ADCY5: variants seen among roughly 807,000 people sequenced by gnomAD.
ADCY5 encodes the protein adenylate cyclase type 5.
Under a neutral mutation model 119.7 loss-of-function variants are expected in ADCY5, and 30 were observed. The ratio of observed to expected loss-of-function variants is 0.25; its 90% CI spans 0.19 to 0.34. The LOEUF is 0.34. ADCY5 is among the 10% of genes least tolerant of loss of function. The probability of loss-of-function intolerance (pLI) is 1.00; values close to 1 mark genes in which losing one functional copy is unlikely to be tolerated. For synonymous variants in ADCY5, 753 were observed against 762.2 expected (o/e 0.99, Z 0.20); for missense variants, 1,324 against 1,775.2 (o/e 0.75, Z 4.57).
At chr3:123,375,630 C>T (rs1306169763) in intron 1 of ADCY5, among the ~76,000 whole-genome samples, 1 of 152,250 alleles carries the variant, frequency 6.6e-6, no homozygotes, top group African/African-American at 2.4e-5. Flanking sequence ...CCCAAGAATG[C>T]TCGAGGGGTC....
intron 17 of ADCY5, among the ~76,000 whole-genome samples, chr3:123,293,942 G>A (rs2108212793): frequency 6.6e-6 from 1 of 152,286 alleles, no homozygotes; most frequent in East Asian, 1.9e-4. Flanking sequence ...GCTGGAGCAG[G>A]GAAAGCACAA....
chr3:123,386,341 C>A (rs1944224938), intron 1 of ADCY5, among the ~76,000 whole-genome samples: 1 of 152,220 alleles, frequency 6.6e-6, no homozygotes, highest in South Asian at 2.1e-4. Flanking sequence ...CCACGGCATA[C>A]CAGTGGCTCC....
chr3:123,296,783 G>GT (rs1446783881), intron 16 of ADCY5, among the ~76,000 whole-genome samples: 1 of 152,224 alleles, frequency 6.6e-6, no homozygotes, highest in African/African-American at 2.4e-5. Context: ...CTGCAAACTA[G>GT]TAGCATTATT....
At chr3:123,294,199 G>A (rs1472840931) in intron 17 of ADCY5, among the ~76,000 whole-genome samples, 1 of 152,186 alleles carries the variant, frequency 6.6e-6, no homozygotes, top group African/African-American at 2.4e-5. Context: ...GCTCTTCTGT[G>A]CAGTAGAATG....
chr3:123,330,213 T>G (rs549030959), intron 5 of ADCY5, among the ~76,000 whole-genome samples: 17 of 152,318 alleles, frequency 1.1e-4, no homozygotes, highest in African/African-American at 4.1e-4. Context: ...CACTCCCGCC[T>G]CTGACCTTGC....
At chr3:123,317,964 C>A (rs916082349) in intron 11 of ADCY5, 56 bp downstream of exon 11, 7 of 1,518,072 alleles carry the variant, frequency 4.6e-6, no homozygotes, top group Non-Finnish European at 6.4e-6. Flanking sequence ...CCCCCTCCCA[C>A]TCCTGGGATT....
At chr3:123,350,760 G>A (rs908754233) in intron 2 of ADCY5, among the ~76,000 whole-genome samples, 2 of 152,234 alleles carry the variant, frequency 1.3e-5, no homozygotes, top group African/African-American at 4.8e-5. Flanking sequence ...AAATCCCTGT[G>A]GATTTGGTGG....
chr3:123,319,506 C>T (rs916638920), intron 10 of ADCY5, among the ~76,000 whole-genome samples, 168 bp downstream of exon 10: 1 of 152,148 alleles, frequency 6.6e-6, no homozygotes, highest in African/African-American at 2.4e-5. Context: ...ACCAGGGAAG[C>T]CTCCCTAGAA....
intron 1 of ADCY5, among the ~76,000 whole-genome samples, chr3:123,426,660 G>A (rs760456026): frequency 2.0e-5 from 3 of 152,286 alleles, no homozygotes; most frequent in Admixed American, 6.5e-5. Flanking sequence ...GGTTATGGAC[G>A]GAAGGAGGGC....
intron 1 of ADCY5, among the ~76,000 whole-genome samples, chr3:123,393,550 C>T (rs1012643514): frequency 6.3e-5 from 8 of 127,330 alleles, no homozygotes; most frequent in Non-Finnish European, 1.2e-4. Context: ...GAGTGAGACC[C>T]TGTTTCTAAA....
At chr3:123,299,493 A>T (rs1052381859) in intron 15 of ADCY5, among the ~76,000 whole-genome samples, 1 of 152,160 alleles carries the variant, frequency 6.6e-6, no homozygotes, top group African/African-American at 2.4e-5. Context: ...CTTTCCCCTC[A>T]TGGAGCCACC....
chr3:123,297,077 A>C (rs774901414), intron 16 of ADCY5: 3 of 1,530,044 alleles, frequency 2.0e-6, no homozygotes, highest in Non-Finnish European at 2.6e-6. Context: ...TTGAGGTTAA[A>C]TGCTTTAACA....
At chr3:123,310,406 A>AT (rs1405182994) in intron 12 of ADCY5, among the ~76,000 whole-genome samples, 1 of 152,156 alleles carries the variant, frequency 6.6e-6, no homozygotes, top group African/African-American at 2.4e-5. Flanking sequence ...CAAAGAGGGA[A>AT]GGGGCTGCAC....
chr3:123,334,015 G>T (rs1349792026), intron 3 of ADCY5, among the ~76,000 whole-genome samples: 1 of 152,086 alleles, frequency 6.6e-6, no homozygotes, highest in Non-Finnish European at 1.5e-5. Flanking sequence ...CCGTCCCTGT[G>T]GCTTGTGTTC....
chr3:123,391,698 G>C (rs1206940126), intron 1 of ADCY5, among the ~76,000 whole-genome samples: 2 of 152,206 alleles, frequency 1.3e-5, no homozygotes. Context: ...TGGGGTTCCT[G>C]TTAGGTCAGA....
chr3:123,299,976 C>A (rs1305310842), intron 15 of ADCY5, 144 bp downstream of exon 15: 1 of 885,488 alleles, frequency 1.1e-6, no homozygotes, highest in Non-Finnish European at 1.7e-6. Context: ...GAAACAAGGC[C>A]GTTTTCCAGA....
chr3:123,405,853 TA>T (rs1944884644), intron 1 of ADCY5, among the ~76,000 whole-genome samples: 1 of 152,192 alleles, frequency 6.6e-6, no homozygotes, highest in Non-Finnish European at 1.5e-5. Context: ...CAGGCTGGTC[TA>T]AAACTACTGG....
At chr3:123,381,019 G>C (rs532790752) in intron 1 of ADCY5, among the ~76,000 whole-genome samples, 39 of 152,294 alleles carry the variant, frequency 2.6e-4, no homozygotes, top group African/African-American at 8.9e-4. Context: ...CTGAGCCTCA[G>C]TTTTGTCATA....
At chr3:123,414,554 T>C (rs945991937) in intron 1 of ADCY5, among the ~76,000 whole-genome samples, 5 of 152,184 alleles carry the variant, frequency 3.3e-5, no homozygotes, top group African/African-American at 1.2e-4. Context: ...GGCTTGACCT[T>C]ATGGCTTACC....
Sources: allele counts gnomAD v4.1 joint callset (sites outside exome capture counted in the v4.1 genomes callset), GRCh38; gene constraint gnomAD v4.1.1; transcripts MANE v1.5; gene names NCBI Gene and HGNC (gene_info 2026-07-23, HGNC 2026-07-21).